PEX10: variants seen among roughly 807,000 people sequenced by gnomAD.
PEX10 encodes the protein peroxisome biogenesis factor 10.
Under a neutral mutation model 38.0 loss-of-function variants are expected in PEX10, and 32 were observed. That is an observed-to-expected ratio of 0.84 (90% confidence interval 0.63 to 1.13). The LOEUF is 1.13. Among genes scored for constraint, PEX10 ranks in the 50% most tolerant of loss-of-function variants. The pLI, the probability that PEX10 is intolerant of heterozygous loss-of-function variation, is 0.00. For synonymous variants in PEX10, 206 were observed against 207.3 expected, an observed-to-expected ratio of 0.99 and a Z score of 0.05; for missense variants, 483 against 457.7, an observed-to-expected ratio of 1.06 and a Z score of -0.51.
chr1:2,407,799 G>A (rs1039348016), intron 3 of PEX10, among the ~76,000 whole-genome samples: 4 of 152,202 alleles, frequency 2.6e-5, no homozygotes, highest in Non-Finnish European at 5.9e-5. Flanking sequence ...GGGTTCCTCA[G>A]AGGGCTGTTC....
chr1:2,408,786 G>A lies in PEX10; in HGVS notation c.266C>T (p.Ser89Leu), dbSNP rs769847524. 5.6e-6 allele frequency: 9 copies of A among 1,614,028 alleles called. No individual in the cohort carries two copies. The highest frequency in any genetic ancestry group is 6.8e-6 in the Non-Finnish European group (8 of 1,179,924). Residue 89 changes from serine to leucine, a missense_variant, in exon 3 of 6, where the codon TCG becomes TTG. Physicochemically the swap from Ser to Leu is moderately radical, Grantham distance 145. Coordinates refer to ENST00000447513, the MANE Select transcript of PEX10 (RefSeq NM_002617.4). Reference protein sequence around the residue: ...VDPSRIHVPSSLRRGVLVTLH... With the variant: ...VDPSRIHVPSLLRRGVLVTLH... ...TGTCACCAGCACGCCACGGCGCAGC[G>A]AGGAGGGCACATGTATCCGCGATGG...
In PEX10 at chr1:2,405,746, A is replaced by G; in HGVS notation, c.*20T>C. 1 of 1,589,846 alleles carries G rather than the reference A, an allele frequency of 6.3e-7. No individual in the cohort carries two copies. The highest frequency in any genetic ancestry group is 8.6e-7 in the Non-Finnish European group (1 of 1,168,274). Reference sequence around the variant, plus strand: ...ACTCCCGTAGAGGTCATCTGTGTCCAGGCCCACCCGGGCGCCGGCTCAGCG... The same window carrying G: ...ACTCCCGTAGAGGTCATCTGTGTCCGGGCCCACCCGGGCGCCGGCTCAGCG... On this transcript the variant is annotated 3_prime_UTR_variant, in exon 6 of 6. Coordinates refer to ENST00000447513, the MANE Select transcript of PEX10 (RefSeq NM_002617.4).
At position 2,404,266 on chromosome 1, in the gene PEX10, C is replaced by T. The variant is rs1237840509; in HGVS notation, c.*1500G>A. 6.6e-6 allele frequency: 1 copy of T among 152,252 alleles called. No individual in the cohort carries two copies. The highest frequency in any genetic ancestry group is 1.5e-5 in the Non-Finnish European group (1 of 68,056). The allele number at this position is 152,252 out of a possible 1,614,324, so 9.4% of individuals were successfully genotyped here. On this transcript the variant is annotated 3_prime_UTR_variant, in exon 6 of 6. Transcript: ENST00000447513. ...GTGTTTACATATCTGACATCGAGCT[C>T]CTCTAAGAGGCCACGTTCAAGCTTG...
intron 1 of PEX10, among the ~76,000 whole-genome samples, chr1:2,412,168 G>T (rs1260287265): frequency 6.6e-6 from 1 of 152,260 alleles, no homozygotes; most frequent in African/African-American, 2.4e-5. Context: ...CAGGTCCCCC[G>T]CGGTGTCTGC....
At chr1:2,408,372 C>T (rs973491890) in intron 3 of PEX10, 80 bp downstream of exon 3, 25 of 1,494,376 alleles carry the variant, frequency 1.7e-5, no homozygotes, top group Non-Finnish European at 2.2e-5. Flanking sequence ...CCTGGAGGGC[C>T]AGCTCTGTGC....
chr1:2,408,711 T>C lies in PEX10; in HGVS notation c.341A>G (p.Glu114Gly), dbSNP rs554490737. The C allele has an allele frequency of 4.5e-5, 72 of 1,613,598 alleles. No homozygotes were observed. In the South Asian group the frequency reaches 7.4e-4, roughly 16 times the overall value. Reference protein sequence around the residue: ...YLLDKALLPLEQELQADPDSG... With the variant: ...YLLDKALLPLGQELQADPDSG... ...GTCGGGGTCAGCCTGCAGCTCCTGCTCCAGGGGGAGCAGGGCCTTGTCCAG... is the reference window on the plus strand; with the variant it reads ...GTCGGGGTCAGCCTGCAGCTCCTGCCCCAGGGGGAGCAGGGCCTTGTCCAG... The change falls in exon 3 of 6, where the codon GAG (glutamate) becomes GGG (glycine). Residue 114 changes from glutamate to glycine, a missense_variant. By Grantham distance (98) the Glu-to-Gly change is moderately conservative. Transcript: ENST00000447513.
Position 2,405,718 on chromosome 1 carries a change from C to A in PEX10, c.*48G>T. 1 of 1,492,696 alleles carries A rather than the reference C, an allele frequency of 6.7e-7. No homozygotes were observed. Among genetic ancestry groups the A allele is most frequent in the African/African-American group, 1.4e-5 (1 of 72,236 alleles). The allele number at this position is 1,492,696 out of a possible 1,614,324, so 92.5% of individuals were successfully genotyped here. ...AATCCTGAGACTAAATCTTGGCGTT[C>A]AGACTCCCGTAGAGGTCATCTGTGT... is the stretch of plus-strand genomic sequence containing the variant. On this transcript the variant is annotated 3_prime_UTR_variant, in exon 6 of 6. Coordinates refer to ENST00000447513, the MANE Select transcript of PEX10 (RefSeq NM_002617.4).
At chr1:2,412,313 C>CG (rs1219338981) in intron 1 of PEX10, 78 bp downstream of exon 1, 1 of 1,283,824 alleles carries the variant, frequency 7.8e-7, no homozygotes, top group Non-Finnish European at 9.9e-7. Context: ...TGACCACACA[C>CG]GGCAGACACC....
At position 2,408,465 on chromosome 1, in the gene PEX10, G is replaced by A. The variant is rs201488304; in HGVS notation, c.587C>T (p.Thr196Met). The change falls in exon 3 of 6, where the codon ACG (threonine) becomes ATG (methionine). Residue 196 changes from threonine to methionine, a missense_variant. Coordinates refer to ENST00000447513, the MANE Select transcript of PEX10 (RefSeq NM_002617.4). ...CCTGCTACTTACGTACGTGATCCCC[G>A]TGAGCCTCTTGGCCAGGTGGTAGAA... ...GVFYHLAKRL[T>M]GITYLRVRSL... 9 of 1,612,994 alleles carry A rather than the reference G, an allele frequency of 5.6e-6. No homozygotes were observed. Among genetic ancestry groups the A allele is most frequent in the East Asian group, 2.2e-5 (1 of 44,882 alleles).
chr1:2,406,768 T>C lies in PEX10; in HGVS notation c.728A>G (p.Gln243Arg), dbSNP rs1252201392. The C allele has an allele frequency of 1.2e-6, 2 of 1,609,692 alleles. No individual in the cohort carries two copies. The highest frequency in any genetic ancestry group is 3.4e-5 in the Admixed American group (2 of 59,556). Residue 243 changes from glutamine to arginine, a missense_variant, in exon 4 of 6, where the codon CAG (glutamine) becomes CGG (arginine). Coordinates refer to ENST00000447513, the MANE Select transcript of PEX10 (RefSeq NM_002617.4). ...GLQLYGFRQR[Q>R]RARKEWRLHR... is the part of the protein sequence containing the mutation. ...CAGCCTCCACTCCTTCCTGGCTCGCTGCCGCTGCCTGAAACCGTACAGCTG... is the reference window on the plus strand; with the variant it reads ...CAGCCTCCACTCCTTCCTGGCTCGCCGCCGCTGCCTGAAACCGTACAGCTG...
rs779337517 is a variant in PEX10 at position 2,408,576 on chromosome 1, G to A, written c.476C>T (p.Ala159Val). The change falls in exon 3 of 6, where the codon GCG becomes GTG. Residue 159 changes from alanine (A) to valine (V), a missense_variant. By Grantham distance (64) the Ala-to-Val change is moderately conservative. Transcript: ENST00000447513. Reference protein sequence around the residue: ...TATLTEQQRRALLRAVFVLRQ... With the variant: ...TATLTEQQRRVLLRAVFVLRQ... ...GAGGACGAAGACCGCCCGCAGCAGC[G>A]CCCTCCTCTGCTGCTCAGTCAGGGT... is the stretch of plus-strand genomic sequence containing the variant. 15 of 1,611,956 alleles carry A rather than the reference G, an allele frequency of 9.3e-6. No individual in the cohort carries two copies. The highest frequency in any genetic ancestry group is 4.5e-5 in the East Asian group (2 of 44,878).
rs536767890 is a variant in PEX10 at position 2,411,847 on chromosome 1, A to G, written c.112+544T>C. Among the ~76,000 whole-genome samples the G allele has an allele frequency of 1.2e-4, 18 of 152,202 alleles. No individual in the cohort carries two copies. The South Asian group carries it at 3.7e-3, about 32-fold the overall frequency. ...CTTCATTGAGTACACTGGCTTCTGT[A>G]CTCAGCTCCCGGCCTGGTGAGGCAG... is the stretch of plus-strand genomic sequence containing the variant. On this transcript the variant is annotated intron_variant, in intron 1 of 5. Coordinates refer to ENST00000447513, the MANE Select transcript of PEX10 (RefSeq NM_002617.4).
rs148903253 is a variant in PEX10 at position 2,405,780 on chromosome 1, G to C, written c.967C>G (p.Arg323Gly). 2 of 1,603,202 alleles carry C rather than the reference G, an allele frequency of 1.2e-6. No individual in the cohort carries two copies. The highest frequency in any genetic ancestry group is 1.7e-6 in the Non-Finnish European group (2 of 1,175,218). Residue 323 changes from arginine to glycine, a missense_variant, in exon 6 of 6, where the codon CGG becomes GGG. Transcript: ENST00000447513. ...KFPPQKLIYL[R>G]HYR ...CGGGCGCCGGCTCAGCGGTAGTGCCGAAGGTAGATGAGCTTCTGGGGAGGG... is the reference window on the plus strand; with the variant it reads ...CGGGCGCCGGCTCAGCGGTAGTGCCCAAGGTAGATGAGCTTCTGGGGAGGG...
At position 2,410,582 on chromosome 1, in the gene PEX10, C is replaced by T. The variant is rs755981829; in HGVS notation, c.113-131G>A. 3 of 766,584 alleles carry T rather than the reference C, an allele frequency of 3.9e-6. No homozygotes were observed. Among genetic ancestry groups the T allele is most frequent in the Non-Finnish European group, 6.7e-6 (3 of 446,868 alleles). The allele number at this position is 766,584 out of a possible 1,614,324, so 47.5% of individuals were successfully genotyped here. A position where few individuals can be genotyped will look rare whatever the true frequency, so the allele number is the denominator to read the frequency against. ...CTTCCATGAAGCCAACACTCACTCC[C>T]TGGCCTCCCTCTCTGCTTCTGTCTC... On this transcript the variant is annotated intron_variant, in intron 1 of 5. Transcript: ENST00000447513. This position sits in a 1 kb window ranked among gnomAD's most constrained non-coding sequence, Gnocchi z 5.1.
Position 2,405,463 on chromosome 1 carries a change from G to A in PEX10, c.*303C>T, listed in dbSNP as rs541886810. On this transcript the variant is annotated 3_prime_UTR_variant, in exon 6 of 6. Coordinates refer to ENST00000447513, the MANE Select transcript of PEX10 (RefSeq NM_002617.4). ...TTCTGAATTACTTCTCAACTGTATG[G>A]TTTGGGGAAGGGAGGGAAACCTAAA... 4.1e-5 allele frequency: 22 copies of A among 531,758 alleles called. No individual in the cohort carries two copies. Among genetic ancestry groups the A allele is most frequent in the African/African-American group, 3.4e-4 (18 of 52,678 alleles). 32.9% of individuals were successfully genotyped at this position (531,758 alleles called of 1,614,324 possible). A position where few individuals can be genotyped will look rare whatever the true frequency, so the allele number is the denominator to read the frequency against.
In PEX10 at chr1:2,410,157, A is replaced by G. The variant is rs1291441485; in HGVS notation, c.193+214T>C. On this transcript the variant is annotated intron_variant, in intron 2 of 5. Coordinates refer to ENST00000447513, the MANE Select transcript of PEX10 (RefSeq NM_002617.4). The surrounding 1 kb of genome is among the most constrained non-coding windows in gnomAD (Gnocchi z 5.1). ...CCCGGGGTAAAGTCTTAAACAAAGA[A>G]CCCCAGGGACACACAAAGGCTGGAA... The G allele has an allele frequency of 3.5e-6, 2 of 576,248 alleles. No homozygotes were observed. Among genetic ancestry groups the G allele is most frequent in the Non-Finnish European group, 6.3e-6 (2 of 319,618 alleles). 35.7% of individuals were successfully genotyped at this position (576,248 alleles called of 1,614,324 possible).
upstream of PEX10, chr1:2,413,687 G>C (rs1643370101): frequency 6.6e-6 from 1 of 152,338 alleles, no homozygotes; most frequent in African/African-American, 2.4e-5. Context: ...AGGATTGCAG[G>C]AGGAAGGCAG....
In PEX10 at chr1:2,410,964, A is replaced by G; in HGVS notation, c.113-513T>C. ...TGCCAAGTGTACTGTAAAACAAGTAAGTACACACACAAAAAATTCTCATCA... is the reference window on the plus strand; with the variant it reads ...TGCCAAGTGTACTGTAAAACAAGTAGGTACACACACAAAAAATTCTCATCA... On this transcript the variant is annotated intron_variant, in intron 1 of 5. Coordinates refer to ENST00000447513, the MANE Select transcript of PEX10 (RefSeq NM_002617.4). This position sits in a 1 kb window ranked among gnomAD's most constrained non-coding sequence, Gnocchi z 5.1. 1 of 434,222 alleles carries G rather than the reference A, an allele frequency of 2.3e-6. No individual in the cohort carries two copies. Among genetic ancestry groups the G allele is most frequent in the African/African-American group, 2.0e-5 (1 of 49,512 alleles). The allele number at this position is 434,222 out of a possible 1,614,324, so 26.9% of individuals were successfully genotyped here.
Position 2,410,518 on chromosome 1 carries a change from TCC to T in PEX10, c.113-69_113-68del. The T allele has an allele frequency of 7.1e-7, 1 of 1,410,452 alleles. No homozygotes were observed. The highest frequency in any genetic ancestry group is 9.9e-7 in the Non-Finnish European group (1 of 1,006,788). The allele number at this position is 1,410,452 out of a possible 1,614,324, so 87.4% of individuals were successfully genotyped here. A position where few individuals can be genotyped will look rare whatever the true frequency, so the allele number is the denominator to read the frequency against. ...ATCCTCTGAGGATGAGGGACCACAG[TCC>T]TCCCCCAGTTGTCTAGGCCCAGATC... On this transcript the variant is annotated intron_variant, in intron 1 of 5. Coordinates refer to ENST00000447513, the MANE Select transcript of PEX10 (RefSeq NM_002617.4). This position sits in a 1 kb window ranked among gnomAD's most constrained non-coding sequence, Gnocchi z 5.1.
Sources: gnomAD v4.1 joint callset for allele counts (sites outside exome capture counted in the v4.1 genomes callset) on GRCh38, gnomAD v4.1.1 for gene constraint, Gnocchi (gnomAD v3.1) non-coding constraint, MANE v1.5 for transcripts, NCBI Gene and HGNC (gene_info 2026-07-23, HGNC 2026-07-21) for gene names.